The following NRG1 variants were observed in gnomAD, a reference collection of about 807,000 sequenced individuals.
The protein encoded by NRG1 is pro-neuregulin-1, membrane-bound isoform.
A neutral mutation model predicts 63.8 loss-of-function variants in NRG1; 18 were observed. That is an observed-to-expected ratio of 0.28 (90% confidence interval 0.19 to 0.42). NRG1 has a LOEUF of 0.42. Ranked by LOEUF, NRG1 falls within the 10% of genes least tolerant of loss-of-function variation. The pLI, the probability that NRG1 is intolerant of heterozygous loss-of-function variation, is 1.00. For synonymous variants in NRG1, 302 were observed against 301.3 expected (o/e 1.00, Z -0.02); for missense variants, 762 against 814.7 (o/e 0.94, Z 0.79).
At chr8:32,105,733 A>C (rs1831179725) in intron 1 of NRG1, among the ~76,000 whole-genome samples, 1 of 152,168 alleles carries the variant, frequency 6.6e-6, no homozygotes, top group South Asian at 2.1e-4. Flanking sequence ...GAAGAGAAAG[A>C]TGACTTAGGA....
rs35582021 is a variant in NRG1 at position 32,281,184 on chromosome 8, C to CTTTTTTTTTTTTTTTTTTTTTTTT, written c.38-314633_38-314632insTTTTTTTTTTTTTTTTTTTTTTTT. Reference sequence around the variant, plus strand: ...CATAGTACCCAATAGGTAGTTTTTCCTTTTTTTTTTTGAGACAGAATCTCG... The same window carrying CTTTTTTTTTTTTTTTTTTTTTTTT: ...CATAGTACCCAATAGGTAGTTTTTCCTTTTTTTTTTTTTTTTTTTTTTTTTTTTTTTTTTTGAGACAGAATCTCG... On this transcript the variant is annotated intron_variant, in intron 1 of 10. Transcript: ENST00000519301. Among the ~76,000 whole-genome samples the CTTTTTTTTTTTTTTTTTTTTTTTT allele has an allele frequency of 6.4e-5, 6 of 94,330 alleles. 1 individual carries two copies. The highest frequency in any genetic ancestry group is 3.9e-4 in the East Asian group (1 of 2,538). 61.9% of individuals were successfully genotyped at this position (94,330 alleles called of 152,430 possible). A position where few individuals can be genotyped will look rare whatever the true frequency, so the allele number is the denominator to read the frequency against.
chr8:31,730,755 C>A (rs768572034), intron 1 of NRG1, among the ~76,000 whole-genome samples: 3 of 151,924 alleles, frequency 2.0e-5, no homozygotes. Context: ...AGTACTTAGG[C>A]AAAAACCAAG....
downstream of NRG1, among the ~76,000 whole-genome samples, chr8:32,769,650 T>G (rs933532581): frequency 6.6e-6 from 1 of 152,188 alleles, no homozygotes; most frequent in Non-Finnish European, 1.5e-5. Flanking sequence ...TTTACTAAAA[T>G]AAATGTAAGG....
intron 1 of NRG1, among the ~76,000 whole-genome samples, chr8:32,122,453 A>T (rs1384479193): frequency 6.6e-6 from 1 of 151,950 alleles, no homozygotes; most frequent in Admixed American, 6.6e-5. Flanking sequence ...ATATATTCAC[A>T]TGGGTGAAAA....
chr8:32,196,952 T>C (rs1257645270), intron 1 of NRG1, among the ~76,000 whole-genome samples: 1 of 75,356 alleles, frequency 1.3e-5, no homozygotes, highest in Non-Finnish European at 2.4e-5. Context: ...TCTTTTTTTT[T>C]TTTTTTTTTT....
At chr8:31,796,414 C>CTTTTTTTTTTTTTTTTTT (rs1158508289) in intron 1 of NRG1, among the ~76,000 whole-genome samples, 1 of 43,340 alleles carries the variant, frequency 2.3e-5, no homozygotes, top group Non-Finnish European at 4.1e-5. Flanking sequence ...GGCGTATAAT[C>CTTTTTTTTTTTTTTTTTT]TTTTTTTTTT....
At chr8:32,532,629 T>A (rs1011244959) in intron 1 of NRG1, among the ~76,000 whole-genome samples, 1 of 152,110 alleles carries the variant, frequency 6.6e-6, no homozygotes, top group Non-Finnish European at 1.5e-5. Context: ...AATGATACTT[T>A]CATTACAATT....
At chr8:31,849,839 G>A (rs1265002888) in intron 1 of NRG1, among the ~76,000 whole-genome samples, 3 of 152,236 alleles carry the variant, frequency 2.0e-5, no homozygotes, top group East Asian at 3.9e-4. Context: ...AGTCAGTAAT[G>A]TACTTCTCTA....
intron 1 of NRG1, among the ~76,000 whole-genome samples, chr8:32,430,834 C>T (rs1398770649): frequency 6.7e-6 from 1 of 150,308 alleles, no homozygotes; most frequent in Non-Finnish European, 1.5e-5. Context: ...ACACTTTTCC[C>T]AATGTTTGTT....
intron 1 of NRG1, among the ~76,000 whole-genome samples, chr8:32,525,392 GT>G (rs1368660912): frequency 0.016 from 341 of 21,898 alleles, 1 homozygote; most frequent in East Asian, 0.036. Flanking sequence ...TGAGGTAGGG[GT>G]GTGTGTGTGT....
At chr8:32,511,693 T>TGGAC in intron 1 of NRG1, among the ~76,000 whole-genome samples, 1 of 152,112 alleles carries the variant, frequency 6.6e-6, no homozygotes, top group African/African-American at 2.4e-5. Context: ...CAATGGCTTG[T>TGGAC]ATTTGAGTCA....
At chr8:32,196,943 CT>C (rs773398472) in intron 1 of NRG1, among the ~76,000 whole-genome samples, 29 of 27,432 alleles carry the variant, frequency 1.1e-3, no homozygotes, top group East Asian at 1.9e-3. Flanking sequence ...TCAGAACATT[CT>C]TTTTTTTTTT....
At chr8:32,101,114 C>T (rs1287586022) in intron 1 of NRG1, among the ~76,000 whole-genome samples, 1 of 152,092 alleles carries the variant, frequency 6.6e-6, no homozygotes, top group Admixed American at 6.6e-5. Context: ...CTACATGTAA[C>T]CAACCTATTT....
At chr8:32,614,751 G>T (rs1051861865) in intron 4 of NRG1, among the ~76,000 whole-genome samples, 187 bp downstream of exon 4, 2 of 152,050 alleles carry the variant, frequency 1.3e-5, no homozygotes, top group African/African-American at 4.8e-5. Context: ...GGTTCTTGCT[G>T]TGTCTTCAAA....
intron 1 of NRG1, among the ~76,000 whole-genome samples, chr8:31,659,328 C>A (rs1358562740): frequency 6.6e-6 from 1 of 152,128 alleles, no homozygotes; most frequent in Non-Finnish European, 1.5e-5. Context: ...GATAGCATGA[C>A]CTTTCTGAAT....
intron 1 of NRG1, among the ~76,000 whole-genome samples, chr8:32,029,943 A>T (rs1245600345): frequency 6.6e-6 from 1 of 151,904 alleles, no homozygotes; most frequent in Non-Finnish European, 1.5e-5. Context: ...ACATCTCTGG[A>T]CTCTAAATAT....
At chr8:32,456,718 T>G (rs1482030004) in intron 1 of NRG1, among the ~76,000 whole-genome samples, 2 of 152,210 alleles carry the variant, frequency 1.3e-5, no homozygotes, top group Admixed American at 6.5e-5. Context: ...AGGTTATTAA[T>G]AGCTAAATTC....
At chr8:31,672,792 T>C (rs1372015432) in intron 1 of NRG1, among the ~76,000 whole-genome samples, 2 of 152,128 alleles carry the variant, frequency 1.3e-5, no homozygotes, top group Non-Finnish European at 2.9e-5. Context: ...CCTCGAGTAA[T>C]GAGGTGCTCT....
chr8:32,323,830 A>G (rs934948831), intron 1 of NRG1, among the ~76,000 whole-genome samples: 18 of 152,182 alleles, frequency 1.2e-4, no homozygotes, highest in African/African-American at 4.1e-4. Context: ...TTTTGTAGAG[A>G]TGCCTCTGAA....
Sources: gnomAD v4.1 joint callset for allele counts (sites outside exome capture counted in the v4.1 genomes callset) on GRCh38, gnomAD v4.1.1 for gene constraint, MANE v1.5 for transcripts, NCBI Gene and HGNC (gene_info 2026-07-23, HGNC 2026-07-21) for gene names.